Variants in SPOCK1 observed in about 807,000 individuals in gnomAD.
SPOCK1 encodes the protein SPARC (osteonectin), cwcv and kazal like domains proteoglycan 1.
In SPOCK1, 23 loss-of-function variants were observed where a neutral mutation model predicts 55.3. The observed-to-expected ratio is 0.42, with a 90% CI of 0.30 to 0.59. SPOCK1 has a LOEUF of 0.59. SPOCK1 is among the 20% of genes least tolerant of loss of function. The probability of loss-of-function intolerance (pLI) is 0.22; values close to 1 mark genes in which losing one functional copy is unlikely to be tolerated. For synonymous variants in SPOCK1, 226 were observed against 221.0 expected (o/e 1.02, Z -0.20); for missense variants, 499 against 552.5 (o/e 0.90, Z 0.97).
intron 3 of SPOCK1, among the ~76,000 whole-genome samples, chr5:137,157,632 TAG>T (rs1754443382): frequency 6.6e-6 from 1 of 152,292 alleles, no homozygotes; most frequent in Admixed American, 6.5e-5. Context: ...TCTCTCTCCA[TAG>T]AGTTTTCTGT....
chr5:137,198,820 G>A (rs1314758265), intron 3 of SPOCK1, among the ~76,000 whole-genome samples: 1 of 152,130 alleles, frequency 6.6e-6, no homozygotes, highest in Non-Finnish European at 1.5e-5. Context: ...ACTCAACCAT[G>A]TCTTCTATTA....
intron 3 of SPOCK1, among the ~76,000 whole-genome samples, chr5:137,210,544 G>A (rs1379897522): frequency 6.6e-6 from 1 of 152,164 alleles, no homozygotes; most frequent in Non-Finnish European, 1.5e-5. Flanking sequence ...ATTAACTCAA[G>A]AAGGTTCAGG....
In SPOCK1 at chr5:137,014,350, T is replaced by C. The variant is rs375873537; in HGVS notation, c.590-21750A>G. 1.2e-4 allele frequency among the ~76,000 whole-genome samples: 18 copies of C among 152,216 alleles called. No homozygotes were observed. The East Asian group carries it at 2.9e-3, about 25-fold the overall frequency. On this transcript the variant is annotated intron_variant, in intron 6 of 10. Transcript: ENST00000394945. Reference sequence around the variant, plus strand: ...ACCTCTTTCCTTATAAATTACCCAGTCTCAGAGGTATTTCTTTACAGCAAT... The same window carrying C: ...ACCTCTTTCCTTATAAATTACCCAGCCTCAGAGGTATTTCTTTACAGCAAT...
rs142150726 is a variant in SPOCK1 at position 137,488,827 on chromosome 5, C to T, written c.186+9546G>A. On this transcript the variant is annotated intron_variant, in intron 2 of 10. Transcript: ENST00000394945. Reference sequence around the variant, plus strand: ...ACATAATTCTGCTGGGGAATGTTGACGGTGCCCTCTGGAGTGTGATGTGTC... The same window carrying T: ...ACATAATTCTGCTGGGGAATGTTGATGGTGCCCTCTGGAGTGTGATGTGTC... Among the ~76,000 whole-genome samples, 262 of 152,232 alleles carry T rather than the reference C, an allele frequency of 1.7e-3. 2 individuals carry two copies. The highest frequency in any genetic ancestry group is 5.7e-3 in the African/African-American group (236 of 41,524).
chr5:137,448,975 G>A (rs118054258), intron 2 of SPOCK1, among the ~76,000 whole-genome samples: 2,238 of 152,300 alleles, frequency 0.015, 28 homozygotes, highest in East Asian at 0.02. Context: ...GGGTGCCAGG[G>A]AAGTGAGACA....
At chr5:136,998,470 T>A (rs989743506) in intron 6 of SPOCK1, among the ~76,000 whole-genome samples, 1 of 152,214 alleles carries the variant, frequency 6.6e-6, no homozygotes, top group Non-Finnish European at 1.5e-5. Context: ...AGAGACAGGA[T>A]TTGAATCAGG....
chr5:137,321,884 G>T (rs563595284), intron 2 of SPOCK1, among the ~76,000 whole-genome samples: 1 of 150,984 alleles, frequency 6.6e-6, no homozygotes, highest in South Asian at 2.1e-4. Context: ...AAAAAAAAAA[G>T]AAAAAGAAAA....
intron 6 of SPOCK1, among the ~76,000 whole-genome samples, chr5:137,059,195 A>C (rs1752352034): frequency 6.6e-6 from 1 of 152,246 alleles, no homozygotes; most frequent in Non-Finnish European, 1.5e-5. Context: ...TGGAAATGCT[A>C]AGTAGTCATT....
chr5:136,979,231 C>G (rs1750676565), intron 10 of SPOCK1, 101 bp downstream of exon 10: 1 of 1,511,226 alleles, frequency 6.6e-7, no homozygotes, highest in Non-Finnish European at 9.0e-7. Flanking sequence ...TTAATGTATA[C>G]TGGAGTTACC....
chr5:137,177,506 G>A (rs1216384115), intron 3 of SPOCK1, among the ~76,000 whole-genome samples: 1 of 152,008 alleles, frequency 6.6e-6, no homozygotes, highest in Non-Finnish European at 1.5e-5. Context: ...AAAAAGAAGA[G>A]GTGGGAATCA....
At chr5:137,093,618 T>C (rs1226471592) in intron 5 of SPOCK1, among the ~76,000 whole-genome samples, 2 of 151,998 alleles carry the variant, frequency 1.3e-5, no homozygotes, top group South Asian at 2.1e-4. Context: ...GACAGCTCTG[T>C]TGTGTGGTGG....
chr5:137,315,874 T>G (rs746390488), intron 2 of SPOCK1, among the ~76,000 whole-genome samples: 1 of 152,278 alleles, frequency 6.6e-6, no homozygotes, highest in South Asian at 2.1e-4. Context: ...TTTGACTCAG[T>G]AGGTCCTAGG....
At chr5:137,090,549 A>G (rs1448789779) in intron 5 of SPOCK1, among the ~76,000 whole-genome samples, 2 of 152,208 alleles carry the variant, frequency 1.3e-5, no homozygotes, top group Non-Finnish European at 2.9e-5. Flanking sequence ...GGACAAGGCT[A>G]TGTCCAGCCA....
intron 2 of SPOCK1, among the ~76,000 whole-genome samples, chr5:137,354,656 G>A (rs1282318279): frequency 6.6e-6 from 1 of 152,166 alleles, no homozygotes; most frequent in Admixed American, 6.5e-5. Context: ...AAGTTTAGGA[G>A]CAAGGGCCCG....
intron 4 of SPOCK1, among the ~76,000 whole-genome samples, chr5:137,122,529 T>G (rs752772994): frequency 2.0e-5 from 3 of 152,244 alleles, no homozygotes; most frequent in African/African-American, 4.8e-5. Context: ...GCTACTTTAC[T>G]TTTTTCATTG....
At chr5:137,262,921 G>A (rs904207102) in intron 3 of SPOCK1, among the ~76,000 whole-genome samples, 4 of 152,202 alleles carry the variant, frequency 2.6e-5, no homozygotes, top group Admixed American at 2.0e-4. Context: ...CTATATGCCA[G>A]GCATATTAAT....
chr5:137,417,644 A>G (rs1752368742), intron 2 of SPOCK1, among the ~76,000 whole-genome samples: 1 of 152,150 alleles, frequency 6.6e-6, no homozygotes, highest in African/African-American at 2.4e-5. Flanking sequence ...TACTTTTTGT[A>G]TCTGGCTATT....
Position 137,076,298 on chromosome 5 carries a change from T to G in SPOCK1, c.475-8469A>C, listed in dbSNP as rs549866573. Among the ~76,000 whole-genome samples the G allele has an allele frequency of 2.0e-5, 3 of 152,356 alleles. No homozygotes were observed. In the South Asian group the frequency reaches 6.2e-4, roughly 32 times the overall value. On this transcript the variant is annotated intron_variant, in intron 5 of 10. Transcript: ENST00000394945. ...CACTCACCACTGGACAGTGCTTATC[T>G]GTTTACATATCTACTTCTTGAAGGA... is the stretch of plus-strand genomic sequence containing the variant.
intron 2 of SPOCK1, among the ~76,000 whole-genome samples, chr5:137,279,689 G>A (rs777749999): frequency 6.6e-6 from 1 of 152,190 alleles, no homozygotes; most frequent in African/African-American, 2.4e-5. Context: ...TGTAGCTACT[G>A]CAGCTGGCTG....
Sources: gnomAD v4.1 joint callset for allele counts (sites outside exome capture counted in the v4.1 genomes callset) on GRCh38, gnomAD v4.1.1 for gene constraint, MANE v1.5 for transcripts, NCBI Gene and HGNC (gene_info 2026-07-23, HGNC 2026-07-21) for gene names.